TET3: variants seen among roughly 807,000 people sequenced by gnomAD.
TET3 encodes the protein tet methylcytosine dioxygenase 3.
Under a neutral mutation model 141.4 loss-of-function variants are expected in TET3, and 19 were observed. The observed-to-expected ratio is 0.13, with a 90% CI of 0.09 to 0.20. The LOEUF (loss-of-function observed/expected upper bound fraction) is 0.20, where lower values mean the gene tolerates loss of function less well. Among genes scored for constraint, TET3 ranks in the 10% least tolerant of loss-of-function variants. TET3 has a pLI of 1.00. For missense variants in TET3, 1,874 were observed against 2,356.9 expected (o/e 0.80, Z 4.24); for synonymous variants, 1,043 against 980.9 (o/e 1.06, Z -1.18).
At position 74,100,746 on chromosome 2, in the gene TET3, G is replaced by C; in HGVS notation, c.3958G>C (p.Asp1320His). Reference sequence around the variant, plus strand: ...CAGTGGCAGTTTTGAGAAGAAGCCAGACCTCCACGCTCTGCACAACAGCCT... The same window carrying C: ...CAGTGGCAGTTTTGAGAAGAAGCCACACCTCCACGCTCTGCACAACAGCCT... ...GSSGSFEKKP[D>H]LHALHNSLSP... is the part of the protein sequence containing the mutation. Residue 1320 changes from aspartate (D) to histidine (H), a missense_variant, in exon 12 of 12, where the codon GAC becomes CAC. Physicochemically the swap from Asp to His is moderately conservative, Grantham distance 81. Coordinates refer to ENST00000409262, the MANE Select transcript of TET3 (RefSeq NM_001287491.2). The C allele has an allele frequency of 6.2e-7, 1 of 1,613,800 alleles. No individual in the cohort carries two copies. The highest frequency in any genetic ancestry group is 1.3e-5 in the African/African-American group (1 of 75,028).
intron 3 of TET3, among the ~76,000 whole-genome samples, chr2:74,025,448 C>T (rs777177988): frequency 6.6e-5 from 10 of 151,490 alleles, no homozygotes; most frequent in East Asian, 2.0e-4. Flanking sequence ...CCACCACGCC[C>T]GGCTAATTTT....
chr2:74,044,234 C>T (rs1432807906), intron 3 of TET3, among the ~76,000 whole-genome samples: 2 of 152,052 alleles, frequency 1.3e-5, no homozygotes, highest in Non-Finnish European at 2.9e-5. Flanking sequence ...TTGTGTTATA[C>T]TTGAGGGACT....
chr2:74,087,820 G>T lies in TET3; in HGVS notation c.2680-10G>T. On this transcript the variant is annotated splice_polypyrimidine_tract_variant and intron_variant, in intron 6 of 11. Coordinates refer to ENST00000409262, the MANE Select transcript of TET3 (RefSeq NM_001287491.2). The surrounding 1 kb of genome is among the most constrained non-coding windows in gnomAD (Gnocchi z 4.3). The stretch of plus-strand genomic sequence containing the variant: ...CTGGCTCCTGCCCCTCACACCCTGC[G>T]TCCCTGCAGGTGATCCGCAGGCACA... 1 of 1,544,234 alleles carries T rather than the reference G, an allele frequency of 6.5e-7. No individual in the cohort carries two copies. Among genetic ancestry groups the T allele is most frequent in the South Asian group, 1.2e-5 (1 of 83,446 alleles).
chr2:74,027,478 A>G (rs1282365839), intron 3 of TET3, among the ~76,000 whole-genome samples: 1 of 151,696 alleles, frequency 6.6e-6, no homozygotes, highest in African/African-American at 2.4e-5. Flanking sequence ...CAAAATTTTT[A>G]TCCATCCCTA....
At chr2:74,122,062 C>T in the TET3 span, 2 of 152,016 alleles carry the variant, frequency 1.3e-5, no homozygotes, top group African/African-American at 4.8e-5. Context: ...TCCACCTCAA[C>T]TGAAAAGGAA....
chr2:73,986,923 C>A (rs552351365), intron 2 of TET3, among the ~76,000 whole-genome samples: 1 of 152,306 alleles, frequency 6.6e-6, no homozygotes, highest in South Asian at 2.1e-4. Flanking sequence ...TGAGCTAGCA[C>A]CCTCATCTCT....
chr2:74,017,723 C>T (rs1242189954), intron 3 of TET3, among the ~76,000 whole-genome samples: 1 of 152,156 alleles, frequency 6.6e-6, no homozygotes, highest in Non-Finnish European at 1.5e-5. Flanking sequence ...CTCTTTGACA[C>T]ACCTATTTCA....
intron 10 of TET3, among the ~76,000 whole-genome samples, chr2:74,098,256 TA>T (rs1367885500): frequency 6.6e-6 from 1 of 152,098 alleles, no homozygotes; most frequent in Non-Finnish European, 1.5e-5. Flanking sequence ...GTTTATGGTA[TA>T]AAAAAATTGG....
At chr2:74,053,021 G>A (rs920473820) in intron 4 of TET3, among the ~76,000 whole-genome samples, 1 of 152,114 alleles carries the variant, frequency 6.6e-6, no homozygotes, top group East Asian at 1.9e-4. Context: ...GTCTGAATGG[G>A]ACTCATATGG....
chr2:74,133,319 C>A, the TET3 span, among the ~76,000 whole-genome samples: 2 of 152,206 alleles, frequency 1.3e-5, no homozygotes, highest in Non-Finnish European at 2.9e-5. Flanking sequence ...AAATGTAACC[C>A]CAAACACTGG....
chr2:74,069,156 T>A (rs957854190), intron 4 of TET3, among the ~76,000 whole-genome samples: 13 of 148,802 alleles, frequency 8.7e-5, no homozygotes, highest in Admixed American at 2.0e-4. Context: ...TTTTTTTTTT[T>A]ATTTTAATCT....
At chr2:74,057,866 CATTT>C (rs1182356947) in intron 4 of TET3, among the ~76,000 whole-genome samples, 3 of 152,166 alleles carry the variant, frequency 2.0e-5, no homozygotes, top group Non-Finnish European at 2.9e-5. Flanking sequence ...ATTAATATAA[CATTT>C]AATAAGAAAA....
chr2:74,083,284 C>T (rs1401510800), intron 6 of TET3, among the ~76,000 whole-genome samples: 1 of 152,244 alleles, frequency 6.6e-6, no homozygotes, highest in Admixed American at 6.5e-5. Flanking sequence ...AAGGCAACAC[C>T]TGGCAGCAAG....
the TET3 span, chr2:74,134,855 T>C: frequency 2.3e-6 from 1 of 435,010 alleles, no homozygotes; most frequent in East Asian, 7.2e-5. Flanking sequence ...GAACACCAGA[T>C]GTTGTAGCCA....
intron 3 of TET3, among the ~76,000 whole-genome samples, chr2:74,005,842 T>C (rs185778540): frequency 1.8e-4 from 27 of 152,368 alleles, no homozygotes; most frequent in African/African-American, 6.0e-4. Context: ...GTGCATTACA[T>C]GTCTACCCGT....
At chr2:74,031,547 T>G (rs116520324) in intron 3 of TET3, among the ~76,000 whole-genome samples, 1 of 152,272 alleles carries the variant, frequency 6.6e-6, no homozygotes, top group Non-Finnish European at 1.5e-5. Flanking sequence ...TAAGATGAGT[T>G]GTGTGACTTT....
chr2:74,127,102 A>T, the TET3 span, among the ~76,000 whole-genome samples: 64 of 152,218 alleles, frequency 4.2e-4, no homozygotes, highest in Non-Finnish European at 8.1e-4. Flanking sequence ...TTTTAGGTAG[A>T]AAAATGAGCT....
At chr2:74,131,460 C>T in the TET3 span, among the ~76,000 whole-genome samples, 3 of 152,206 alleles carry the variant, frequency 2.0e-5, no homozygotes, top group Non-Finnish European at 2.9e-5. Flanking sequence ...TGGCTCCTAA[C>T]CAGTCTGTGT....
chr2:74,036,289 G>A (rs748116148), intron 3 of TET3, among the ~76,000 whole-genome samples: 1 of 152,152 alleles, frequency 6.6e-6, no homozygotes, highest in Non-Finnish European at 1.5e-5. Context: ...TCAGTCCTAC[G>A]TAATAGGTGT....
Sources: gnomAD v4.1 joint callset for allele counts (sites outside exome capture counted in the v4.1 genomes callset) on GRCh38, gnomAD v4.1.1 for gene constraint, Gnocchi (gnomAD v3.1) non-coding constraint, MANE v1.5 for transcripts, NCBI Gene and HGNC (gene_info 2026-07-23, HGNC 2026-07-21) for gene names.